The following PRKD1 variants were observed in gnomAD, a reference collection of about 807,000 sequenced individuals.
The protein encoded by PRKD1 is serine/threonine-protein kinase D1.
Under a neutral mutation model 95.9 loss-of-function variants are expected in PRKD1, and 63 were observed. The observed-to-expected ratio is 0.66, with a 90% CI of 0.54 to 0.81. The LOEUF (loss-of-function observed/expected upper bound fraction) is 0.81, where lower values mean the gene tolerates loss of function less well. PRKD1 is among the 30% of genes least tolerant of loss of function. The probability of loss-of-function intolerance (pLI) is 0.00; values close to 1 mark genes in which losing one functional copy is unlikely to be tolerated. For missense variants in PRKD1, 1,048 were observed against 1,165.3 expected, an observed-to-expected ratio of 0.90 and a Z score of 1.47; for synonymous variants, 425 against 423.1, an observed-to-expected ratio of 1.00 and a Z score of -0.05.
chr14:29,764,763 G>T (rs1888181585), intron 1 of PRKD1, among the ~76,000 whole-genome samples: 1 of 152,156 alleles, frequency 6.6e-6, no homozygotes, highest in Non-Finnish European at 1.5e-5. Context: ...GTTTCAATAT[G>T]AACTTTAGAT....
chr14:29,719,882 C>T (rs144361772), intron 2 of PRKD1, among the ~76,000 whole-genome samples: 1 of 150,822 alleles, frequency 6.6e-6, no homozygotes, highest in East Asian at 2.0e-4. Flanking sequence ...TGAACCAGGA[C>T]TCACCAGATG....
chr14:29,794,709 T>TG (rs994849476), intron 1 of PRKD1, among the ~76,000 whole-genome samples: 12 of 151,930 alleles, frequency 7.9e-5, no homozygotes, highest in African/African-American at 2.9e-4. Flanking sequence ...TCCTCCCCCG[T>TG]GCTCCCTATG....
chr14:29,913,703 TAATC>T (rs1263510537), intron 1 of PRKD1, among the ~76,000 whole-genome samples: 1 of 152,220 alleles, frequency 6.6e-6, no homozygotes, highest in Non-Finnish European at 1.5e-5. Context: ...GCTCTGAAGT[TAATC>T]AGTTATTTCT....
chr14:29,826,651 ATGTGTGTG>A (rs1430957114), intron 1 of PRKD1, among the ~76,000 whole-genome samples: 2 of 39,880 alleles, frequency 5.0e-5, no homozygotes, highest in Non-Finnish European at 8.7e-5. Context: ...GTGTATATAT[ATGTGTGTG>A]TGTGTATATA....
intron 1 of PRKD1, among the ~76,000 whole-genome samples, chr14:29,770,864 A>G (rs1181652747): frequency 6.9e-6 from 1 of 145,924 alleles, no homozygotes; most frequent in African/African-American, 2.6e-5. Flanking sequence ...TGGGAAGATC[A>G]CTTGAGCCCA....
intron 1 of PRKD1, among the ~76,000 whole-genome samples, chr14:29,835,988 T>C (rs1891596810): frequency 6.6e-6 from 1 of 152,208 alleles, no homozygotes. Flanking sequence ...AGTAAAAATG[T>C]ATAAGAAATA....
intron 12 of PRKD1, among the ~76,000 whole-genome samples, chr14:29,624,817 G>T (rs1879510115): frequency 1.3e-5 from 2 of 152,102 alleles, no homozygotes; most frequent in South Asian, 4.2e-4. Context: ...CTCAAAAATG[G>T]TTAGTTATCA....
chr14:29,809,459 T>C (rs1168796779), intron 1 of PRKD1, among the ~76,000 whole-genome samples: 1 of 152,242 alleles, frequency 6.6e-6, no homozygotes, highest in Non-Finnish European at 1.5e-5. Context: ...ATTGAAAATC[T>C]GTTATTTAGT....
intron 4 of PRKD1, among the ~76,000 whole-genome samples, chr14:29,652,057 A>G (rs1334107348): frequency 6.6e-6 from 1 of 151,878 alleles, no homozygotes; most frequent in Non-Finnish European, 1.5e-5. Flanking sequence ...TTTTTTTCAT[A>G]TTTCTCAGGT....
intron 2 of PRKD1, among the ~76,000 whole-genome samples, chr14:29,711,462 G>A (rs1385254881): frequency 6.6e-6 from 1 of 152,118 alleles, no homozygotes; most frequent in Admixed American, 6.6e-5. Context: ...GAATAATGTT[G>A]TGGGGTTTCT....
chr14:29,741,002 G>T (rs558781343), intron 1 of PRKD1, among the ~76,000 whole-genome samples: 1 of 152,294 alleles, frequency 6.6e-6, no homozygotes, highest in East Asian at 1.9e-4. Flanking sequence ...ACTAACACAG[G>T]AACAGAAAAC....
At chr14:29,701,592 AT>A (rs1230320376) in intron 2 of PRKD1, among the ~76,000 whole-genome samples, 3 of 152,030 alleles carry the variant, frequency 2.0e-5, no homozygotes, top group Non-Finnish European at 2.9e-5. Context: ...TTTACTTGTT[AT>A]TTTTTTGAAT....
At chr14:29,799,471 G>A (rs1199314708) in intron 1 of PRKD1, among the ~76,000 whole-genome samples, 1 of 152,198 alleles carries the variant, frequency 6.6e-6, no homozygotes, top group East Asian at 1.9e-4. Context: ...CATTGTTAAA[G>A]TTTTGTTATT....
intron 1 of PRKD1, among the ~76,000 whole-genome samples, chr14:29,894,947 G>A (rs1894069244): frequency 1.3e-5 from 2 of 152,180 alleles, no homozygotes; most frequent in Non-Finnish European, 2.9e-5. Flanking sequence ...AAACATGTAC[G>A]TTTAAATAAC....
At chr14:29,686,324 G>C (rs1268874378) in intron 2 of PRKD1, among the ~76,000 whole-genome samples, 3 of 152,168 alleles carry the variant, frequency 2.0e-5, no homozygotes, top group Non-Finnish European at 2.9e-5. Context: ...GAAGCGTCTG[G>C]GGGAATGACC....
intron 4 of PRKD1, among the ~76,000 whole-genome samples, chr14:29,661,595 C>T (rs1882194305): frequency 6.6e-6 from 1 of 152,128 alleles, no homozygotes; most frequent in Admixed American, 6.5e-5. Flanking sequence ...ATGTTTCCTA[C>T]TTTCTCAGGG....
chr14:29,710,833 T>TA (rs536429459), intron 2 of PRKD1, among the ~76,000 whole-genome samples: 31 of 152,098 alleles, frequency 2.0e-4, no homozygotes, highest in Non-Finnish European at 3.5e-4. Context: ...ACAAGTTTGT[T>TA]AAAAAAATAT....
intron 1 of PRKD1, among the ~76,000 whole-genome samples, chr14:29,841,130 A>G (rs1891826019): frequency 1.3e-5 from 2 of 152,192 alleles, no homozygotes; most frequent in Non-Finnish European, 2.9e-5. Context: ...CAATGCCTGT[A>G]CCCACATTGT....
chr14:29,723,668 TGC>T (rs945102602), intron 2 of PRKD1, among the ~76,000 whole-genome samples: 2 of 87,024 alleles, frequency 2.3e-5, no homozygotes, highest in East Asian at 8.2e-4. Flanking sequence ...TAATTGAGTG[TGC>T]GTGTGTGTGT....
Sources: gnomAD v4.1 joint callset for allele counts (sites outside exome capture counted in the v4.1 genomes callset) on GRCh38, gnomAD v4.1.1 for gene constraint, MANE v1.5 for transcripts, NCBI Gene and HGNC (gene_info 2026-07-23, HGNC 2026-07-21) for gene names.